Variants in CYFIP2 observed in about 807,000 individuals in gnomAD.
CYFIP2 encodes the protein cytoplasmic FMR1-interacting protein 2.
CYFIP2 carries 29 observed loss-of-function variants against 158.7 expected under a neutral mutation model. The ratio of observed to expected loss-of-function variants is 0.18; its 90% CI spans 0.14 to 0.25. The LOEUF is 0.25. Among genes scored for constraint, CYFIP2 ranks in the 10% least tolerant of loss-of-function variants. CYFIP2 has a pLI of 1.00. For synonymous variants in CYFIP2, 585 were observed against 617.6 expected, an observed-to-expected ratio of 0.95 and a Z score of 0.78; for missense variants, 852 against 1,639.5, an observed-to-expected ratio of 0.52 and a Z score of 8.29.
At chr5:157,356,331 A>G (rs1363085500) in intron 23 of CYFIP2, among the ~76,000 whole-genome samples, 1 of 152,184 alleles carries the variant, frequency 6.6e-6, no homozygotes, top group Non-Finnish European at 1.5e-5. Context: ...CTCCACCCTC[A>G]TGGCCTGATC....
intron 28 of CYFIP2, among the ~76,000 whole-genome samples, chr5:157,386,736 G>A (rs1041277051): frequency 5.3e-5 from 8 of 151,996 alleles, no homozygotes; most frequent in East Asian, 1.9e-4. Flanking sequence ...CCTGGCCAAC[G>A]TGGTGAAACC....
At chr5:157,307,643 G>GTGTGTGTGTGTGTGTGTGTGTGTA in intron 8 of CYFIP2, 118 bp from the exon 9 acceptor site, 1 of 601,264 alleles carries the variant, frequency 1.7e-6, no homozygotes. Context: ...CAGGGTGTGT[G>GTGTGTGTGTGTGTGTGTGTGTGTA]TGTGTGTGTG....
intron 23 of CYFIP2, chr5:157,342,089 C>T (rs1257473026): frequency 6.6e-6 from 1 of 152,554 alleles, no homozygotes; most frequent in South Asian, 2.1e-4. Context: ...TTATCAAAGA[C>T]AAGCAAGCAG....
chr5:157,325,692 G>A, intron 17 of CYFIP2, 54 bp downstream of exon 17: 2 of 1,512,154 alleles, frequency 1.3e-6, no homozygotes, highest in Non-Finnish European at 1.8e-6. Flanking sequence ...GTAGAGGGCA[G>A]TTTGCCAGGG....
At chr5:157,353,775 A>G (rs1763231780) in intron 23 of CYFIP2, among the ~76,000 whole-genome samples, 1 of 152,246 alleles carries the variant, frequency 6.6e-6, no homozygotes. Context: ...CATTAGAGAA[A>G]TTGTAACAAA....
chr5:157,279,015 C>T (rs1048595999), intron 1 of CYFIP2, among the ~76,000 whole-genome samples: 2 of 152,160 alleles, frequency 1.3e-5, no homozygotes, highest in Admixed American at 6.5e-5. Context: ...TGCTATTGCC[C>T]AGTGGGAGCT....
intron 1 of CYFIP2, among the ~76,000 whole-genome samples, chr5:157,273,012 G>A (rs1165395569): frequency 5.9e-5 from 9 of 152,014 alleles, no homozygotes; most frequent in African/African-American, 1.9e-4. Context: ...GATTACAGGC[G>A]TGTGCTATGA....
intron 23 of CYFIP2, among the ~76,000 whole-genome samples, chr5:157,346,131 T>G (rs1335587737): frequency 6.6e-6 from 1 of 152,174 alleles, no homozygotes; most frequent in Non-Finnish European, 1.5e-5. Context: ...AAGACCCTTT[T>G]ATTTTTATTG....
At chr5:157,308,338 C>T (rs1759421780) in intron 9 of CYFIP2, among the ~76,000 whole-genome samples, 1 of 152,148 alleles carries the variant, frequency 6.6e-6, no homozygotes, top group Non-Finnish European at 1.5e-5. Context: ...ACACCAGGGA[C>T]CACCTCAGCT....
rs956288773 is a variant in CYFIP2 at position 157,390,804 on chromosome 5, G to C, written c.3594+136G>C. The stretch of plus-strand genomic sequence containing the variant: ...GCAAGTACAAAGATACTATAGGCTG[G>C]GGACCTGCTTAGAGGAAGTCGTGAG... On this transcript the variant is annotated intron_variant, in intron 30 of 30. Coordinates refer to ENST00000620254, the MANE Select transcript of CYFIP2 (RefSeq NM_001037333.3). 2.7e-5 allele frequency: 38 copies of C among 1,400,478 alleles called. No individual in the cohort carries two copies. The East Asian group carries it at 7.1e-4, about 26-fold the overall frequency. 86.8% of individuals were successfully genotyped at this position (1,400,478 alleles called of 1,614,324 possible). A position where few individuals can be genotyped will look rare whatever the true frequency, so the allele number is the denominator to read the frequency against.
At chr5:157,383,515 A>C in intron 28 of CYFIP2, 156 bp downstream of exon 28, 1 of 616,126 alleles carries the variant, frequency 1.6e-6, no homozygotes, top group Non-Finnish European at 2.8e-6. Context: ...TAGCAACAGC[A>C]GGTCTGGAAT....
chr5:157,298,362 C>G (rs1195648951), intron 5 of CYFIP2, among the ~76,000 whole-genome samples: 1 of 152,046 alleles, frequency 6.6e-6, no homozygotes, highest in Non-Finnish European at 1.5e-5. Context: ...GACAGAGTCT[C>G]TCTCTGTCGC....
chr5:157,284,097 C>T (rs1350108065), intron 1 of CYFIP2, among the ~76,000 whole-genome samples: 1 of 151,882 alleles, frequency 6.6e-6, no homozygotes, highest in African/African-American at 2.4e-5. Context: ...TGTTTTTGTT[C>T]ACCTCTACTG....
At chr5:157,323,407 T>C (rs1044813685) in intron 15 of CYFIP2, among the ~76,000 whole-genome samples, 23 of 152,132 alleles carry the variant, frequency 1.5e-4, no homozygotes, top group African/African-American at 5.3e-4. Context: ...TTCCTCAGAA[T>C]GTTAGTGCTG....
In CYFIP2 at chr5:157,304,085, G is replaced by A. The variant is rs540305131; in HGVS notation, c.667-153G>A. 2.0e-5 allele frequency among the ~76,000 whole-genome samples: 3 copies of A among 152,302 alleles called. No individual in the cohort carries two copies. The East Asian group carries it at 5.8e-4, about 29-fold the overall frequency. On this transcript the variant is annotated intron_variant, in intron 7 of 30. Transcript: ENST00000620254. ...CATCAAGGAGAGGATTCAGGCATCA[G>A]GTGCCAGCTGGCATGCAGCCTCGCC...
intron 23 of CYFIP2, among the ~76,000 whole-genome samples, chr5:157,358,207 A>C (rs113377332): frequency 8.5e-5 from 13 of 152,314 alleles, no homozygotes; most frequent in African/African-American, 3.1e-4. Flanking sequence ...AGGGCCCTAT[A>C]GCATGGTTGT....
chr5:157,360,455 T>TAACA, intron 25 of CYFIP2, 83 bp downstream of exon 25: 1 of 1,191,310 alleles, frequency 8.4e-7, no homozygotes, highest in South Asian at 1.4e-5. Context: ...TTTGCTTCTC[T>TAACA]AACATGCCAG....
intron 23 of CYFIP2, chr5:157,343,255 G>A (rs746993248): frequency 1.2e-5 from 20 of 1,614,086 alleles, no homozygotes; most frequent in Non-Finnish European, 1.7e-5. Context: ...TCTTATCCAG[G>A]GTGTGGAACA....
chr5:157,359,067 T>A lies in CYFIP2; in HGVS notation c.2736T>A (p.His912Gln). ...SSYRNFVGPP[H>Q]FKTICRLLGY... ...ACAGGAATTTCGTGGGGCCACCTCA[T>A]TTCAAGACTATCTGCAGACTCCTGG... The change falls in exon 24 of 31, where the codon CAT becomes CAA. Residue 912 changes from histidine to glutamine, a missense_variant. Around this residue, in one of 8 missense-constraint regions of CYFIP2, gnomAD observed 191 missense variants for 311.2 expected, o/e 0.61. Transcript: ENST00000620254. 1 of 1,613,992 alleles carries A rather than the reference T, an allele frequency of 6.2e-7. No individual in the cohort carries two copies.
Sources: gnomAD v4.1 joint callset for allele counts (sites outside exome capture counted in the v4.1 genomes callset) on GRCh38, gnomAD v4.1.1 for gene constraint, gnomAD v4.1.1 regional missense constraint, MANE v1.5 for transcripts, NCBI Gene and HGNC (gene_info 2026-07-23, HGNC 2026-07-21) for gene names.